TENM3: variants seen among roughly 807,000 people sequenced by gnomAD.
TENM3 encodes the protein teneurin transmembrane protein 3, also known as teneurin-3.
TENM3 carries 63 observed loss-of-function variants against 255.1 expected under a neutral mutation model. That is an observed-to-expected ratio of 0.25 (90% CI 0.20 to 0.30). TENM3 has a LOEUF of 0.30. Among genes scored for constraint, TENM3 ranks in the 10% least tolerant of loss-of-function variants. The pLI, the probability that TENM3 is intolerant of heterozygous loss-of-function variation, is 1.00. For missense variants in TENM3, 2,929 were observed against 3,461.1 expected, an observed-to-expected ratio of 0.85 and a Z score of 3.86; for synonymous variants, 1,306 against 1,322.3, an observed-to-expected ratio of 0.99 and a Z score of 0.27.
At chr4:181,770,040 A>G in the TENM3 span, among the ~76,000 whole-genome samples, 2 of 152,182 alleles carry the variant, frequency 1.3e-5, no homozygotes, top group Non-Finnish European at 2.9e-5. Context: ...GGCTGCGCCC[A>G]GTTACAACGG....
chr4:182,160,071 C>T (rs913316411), intron 1 of TENM3, among the ~76,000 whole-genome samples: 2 of 149,454 alleles, frequency 1.3e-5, no homozygotes, highest in African/African-American at 4.9e-5. Context: ...GGTGCGATCT[C>T]GGCTCACTGC....
chr4:181,471,476 G>A, the TENM3 span, among the ~76,000 whole-genome samples: 1 of 152,306 alleles, frequency 6.6e-6, no homozygotes, highest in Non-Finnish European at 1.5e-5. Context: ...AGTTGTATGG[G>A]CGGCTGTGCT....
chr4:181,585,126 T>C, the TENM3 span, among the ~76,000 whole-genome samples: 2 of 151,982 alleles, frequency 1.3e-5, no homozygotes, highest in Non-Finnish European at 2.9e-5. Context: ...GTAAGAAAAG[T>C]GCAGAACTTG....
chr4:181,715,369 G>A, the TENM3 span, among the ~76,000 whole-genome samples: 2 of 152,096 alleles, frequency 1.3e-5, no homozygotes, highest in Non-Finnish European at 2.9e-5. Context: ...TCTTTTACTA[G>A]TCTTGCTAAT....
intron 3 of TENM3, among the ~76,000 whole-genome samples, chr4:182,471,251 G>C (rs1322450733): frequency 6.6e-6 from 1 of 152,232 alleles, no homozygotes. Flanking sequence ...AGGAGCATAA[G>C]TATGCCACTA....
Position 182,738,558 on chromosome 4 carries a change from C to A in TENM3, c.3379+14C>A. On this transcript the variant is annotated intron_variant, in intron 18 of 27. Transcript: ENST00000511685. The stretch of plus-strand genomic sequence containing the variant: ...ATGTACAGAACGGTAAGCTCTTGTT[C>A]ATAGATAACTGATGTTGTAATGTAT... 6.2e-7 allele frequency: 1 copy of A among 1,600,518 alleles called. No individual in the cohort carries two copies. The highest frequency in any genetic ancestry group is 1.1e-5 in the South Asian group (1 of 88,452).
intron 1 of TENM3, among the ~76,000 whole-genome samples, chr4:182,236,033 G>C (rs1205621491): frequency 6.6e-6 from 1 of 152,212 alleles, no homozygotes; most frequent in Admixed American, 6.5e-5. Context: ...TTGGCTCACT[G>C]TATTGAGAAA....
chr4:182,530,721 C>T (rs151065650), intron 3 of TENM3, among the ~76,000 whole-genome samples: 26 of 152,202 alleles, frequency 1.7e-4, no homozygotes, highest in African/African-American at 6.0e-4. Context: ...AGCATAGTTG[C>T]AGAGAAATGG....
intron 3 of TENM3, among the ~76,000 whole-genome samples, chr4:182,495,064 C>G (rs1244633944): frequency 6.6e-6 from 1 of 152,122 alleles, no homozygotes; most frequent in Non-Finnish European, 1.5e-5. Flanking sequence ...CTGGGCAAGG[C>G]TGTGATATTA....
intron 1 of TENM3, among the ~76,000 whole-genome samples, chr4:182,238,219 G>A (rs1490733578): frequency 1.3e-5 from 2 of 151,982 alleles, no homozygotes; most frequent in Non-Finnish European, 2.9e-5. Context: ...TCGGAAGCCT[G>A]GATCCTCCTC....
At chr4:181,827,711 C>G in the TENM3 span, among the ~76,000 whole-genome samples, 3 of 152,124 alleles carry the variant, frequency 2.0e-5, no homozygotes, top group Non-Finnish European at 4.4e-5. Flanking sequence ...AGGGAGGAAC[C>G]CTGTGGCAGA....
At chr4:181,642,084 A>G in the TENM3 span, among the ~76,000 whole-genome samples, 1 of 151,556 alleles carries the variant, frequency 6.6e-6, no homozygotes, top group African/African-American at 2.4e-5. Context: ...TTACACTCCC[A>G]CCAACAGTGT....
intron 1 of TENM3, among the ~76,000 whole-genome samples, chr4:182,262,632 C>T (rs1352718040): frequency 1.3e-5 from 2 of 152,018 alleles, no homozygotes; most frequent in African/African-American, 4.8e-5. Flanking sequence ...AGCATATAAT[C>T]AAGAAATAAC....
the TENM3 span, among the ~76,000 whole-genome samples, chr4:181,943,858 G>T: frequency 3.5e-4 from 53 of 152,264 alleles, no homozygotes; most frequent in East Asian, 0.01. Flanking sequence ...CACAGCCTGT[G>T]ATGTGGATGG....
chr4:182,379,305 C>T (rs112170446), intron 3 of TENM3, among the ~76,000 whole-genome samples: 4 of 151,934 alleles, frequency 2.6e-5, no homozygotes, highest in East Asian at 3.9e-4. Context: ...TGCAGTGAGC[C>T]GAGATTCTGC....
At chr4:181,756,398 TCTC>T in the TENM3 span, among the ~76,000 whole-genome samples, 1 of 152,190 alleles carries the variant, frequency 6.6e-6, no homozygotes, top group Non-Finnish European at 1.5e-5. Flanking sequence ...TGATTTTTTG[TCTC>T]CTCAAAACAA....
chr4:182,658,718 C>T (rs941193023), intron 6 of TENM3, among the ~76,000 whole-genome samples: 5 of 152,212 alleles, frequency 3.3e-5, no homozygotes, highest in Non-Finnish European at 7.3e-5. Flanking sequence ...GTACTTCTTG[C>T]GTTCTTACTT....
the TENM3 span, among the ~76,000 whole-genome samples, chr4:181,888,530 ATATG>A: frequency 1.2e-5 from 1 of 81,380 alleles, no homozygotes; most frequent in African/African-American, 5.8e-5. Flanking sequence ...ATATATACAT[ATATG>A]TGTATATATA....
intron 1 of TENM3, among the ~76,000 whole-genome samples, chr4:182,318,161 G>GA (rs1762852428): frequency 6.6e-6 from 1 of 152,120 alleles, no homozygotes; most frequent in African/African-American, 2.4e-5. Context: ...AATTTGTACA[G>GA]AAAACAGATA....
Sources: gnomAD v4.1 joint callset for allele counts (sites outside exome capture counted in the v4.1 genomes callset) on GRCh38, gnomAD v4.1.1 for gene constraint, MANE v1.5 for transcripts, NCBI Gene and HGNC (gene_info 2026-07-23, HGNC 2026-07-21) for gene names.